The following ZAN variants were observed in gnomAD, a reference collection of about 807,000 sequenced individuals.
The protein encoded by ZAN is zonadhesin.
In ZAN, 260 loss-of-function variants were observed where a neutral mutation model predicts 286.2. The observed-to-expected ratio is 0.91, with a 90% CI of 0.82 to 1.01. The LOEUF (loss-of-function observed/expected upper bound fraction) is 1.01, where lower values mean the gene tolerates loss of function less well. ZAN is among the 50% of genes least tolerant of loss of function. The pLI is 0.00. For missense variants in ZAN, 3,410 were observed against 3,639.2 expected, an observed-to-expected ratio of 0.94 and a Z score of 1.62; for synonymous variants, 1,368 against 1,417.5, an observed-to-expected ratio of 0.97 and a Z score of 0.79.
intron 28 of ZAN, among the ~76,000 whole-genome samples, chr7:100,771,473 C>T (rs1056716489): frequency 6.6e-6 from 1 of 151,538 alleles, no homozygotes; most frequent in Non-Finnish European, 1.5e-5. Context: ...GATCTGTTGC[C>T]CAGGCTGGAG....
chr7:100,795,915 A>T (rs966185383), intron 45 of ZAN, among the ~76,000 whole-genome samples: 5 of 150,860 alleles, frequency 3.3e-5, no homozygotes, highest in East Asian at 3.9e-4. Flanking sequence ...AAAAAAAAAT[A>T]AAAAAATAAA....
chr7:100,769,741 C>T (rs1317294294), intron 27 of ZAN, 139 bp from the exon 28 acceptor site: 1 of 674,860 alleles, frequency 1.5e-6, no homozygotes, highest in African/African-American at 1.8e-5. Context: ...GAGATAGGAT[C>T]TCACTATGTT....
intron 43 of ZAN, 46 bp from the exon 44 acceptor site, chr7:100,794,074 C>A: frequency 1.2e-6 from 2 of 1,613,568 alleles, no homozygotes; most frequent in Non-Finnish European, 1.7e-6. Context: ...AGAGCCAGAC[C>A]AGGGATGGAA....
At chr7:100,733,926 C>T in intron 1 of ZAN, 101 bp from the exon 2 acceptor site, 1 of 346,614 alleles carries the variant, frequency 2.9e-6, no homozygotes, top group East Asian at 4.5e-5. Flanking sequence ...TTGTTTCTTT[C>T]TCTTTTTTTT....
intron 15 of ZAN, 46 bp from the exon 16 acceptor site, chr7:100,758,156 C>T (rs1809283084): frequency 6.6e-7 from 1 of 1,521,592 alleles, no homozygotes. Context: ...GGGAGAAGTA[C>T]TCTAGGAGCT....
intron 38 of ZAN, among the ~76,000 whole-genome samples, 158 bp from the exon 39 acceptor site, chr7:100,789,060 G>A (rs1023179437): frequency 1.3e-5 from 2 of 152,096 alleles, no homozygotes; most frequent in Non-Finnish European, 2.9e-5. Context: ...CCTCACAGAG[G>A]TTTCTGCCAC....
rs1294529960 is a variant in ZAN, at chr7:100,752,137, C to T, written c.2032C>T (p.Pro678Ser). Residue 678 changes from proline to serine, a missense_variant, in exon 14 of 48, where the codon CCT becomes TCT. Physicochemically the swap from Pro to Ser is moderately conservative, Grantham distance 74 (BLOSUM62 -1). This residue lies in a region of ZAN where 872 missense variants were observed against 938.9 expected (regional missense o/e 0.93). Transcript: ENST00000613979. Reference sequence around the variant, plus strand: ...CACCTCCATGGAAGAGCCTGTCATCCCTACAGAAAAACCCAGCATCCCTAC... The same window carrying T: ...CACCTCCATGGAAGAGCCTGTCATCTCTACAGAAAAACCCAGCATCCCTAC... ...TTTSMEEPVI[P>S]TEKPSIPTEK... The T allele has an allele frequency of 1.2e-6, 2 of 1,610,452 alleles. No individual in the cohort carries two copies. The highest frequency in any genetic ancestry group is 2.7e-5 in the African/African-American group (2 of 73,870).
intron 14 of ZAN, 130 bp downstream of exon 14, chr7:100,753,359 G>C: frequency 9.1e-7 from 1 of 1,096,042 alleles, no homozygotes; most frequent in Non-Finnish European, 1.2e-6. Context: ...TCTCAGAGGA[G>C]AGCTGAAGTA....
intron 34 of ZAN, among the ~76,000 whole-genome samples, chr7:100,777,067 A>C (rs1024085779): frequency 6.8e-6 from 1 of 148,126 alleles, no homozygotes; most frequent in African/African-American, 2.5e-5. Flanking sequence ...TTTCTGAGAC[A>C]GAATCTTGCT....
rs1807380827 is a variant in ZAN at position 100,737,277 on chromosome 7, A to T, written c.541A>T (p.Thr181Ser). The change falls in exon 6 of 48, where the codon ACA becomes TCA. Residue 181 changes from threonine to serine, a missense_variant. Physicochemically the swap from Thr to Ser is moderately conservative, Grantham distance 58. This residue lies in a region of ZAN where 872 missense variants were observed against 938.9 expected (regional missense o/e 0.93). Coordinates refer to ENST00000613979, the MANE Select transcript of ZAN (RefSeq NM_003386.3). ...CCTCTTGCAGCTGATGTTTGAGGGAACACGGGGTAGCACTGCCTACCTGGA... is the reference window on the plus strand; with the variant it reads ...CCTCTTGCAGCTGATGTTTGAGGGATCACGGGGTAGCACTGCCTACCTGGA... Reference protein sequence around the residue: ...TLPTRLMFEGTRGSTAYLDIA... With the variant: ...TLPTRLMFEGSRGSTAYLDIA... 6.7e-7 allele frequency: 1 copy of T among 1,487,890 alleles called. No homozygotes were observed. The highest frequency in any genetic ancestry group is 1.4e-5 in the African/African-American group (1 of 70,188). 92.2% of individuals were successfully genotyped at this position (1,487,890 alleles called of 1,614,324 possible). A position where few individuals can be genotyped will look rare whatever the true frequency, so the allele number is the denominator to read the frequency against.
chr7:100,764,736 T>A (rs560472034), intron 22 of ZAN, among the ~76,000 whole-genome samples: 1 of 147,644 alleles, frequency 6.8e-6, no homozygotes, highest in East Asian at 2.1e-4. Context: ...AAATTAGCTG[T>A]GTGTGGCAAC....
chr7:100,766,743 A>C, intron 24 of ZAN, 77 bp downstream of exon 24: 1 of 1,495,118 alleles, frequency 6.7e-7, no homozygotes, highest in South Asian at 1.3e-5. Context: ...TGCCCAAAGC[A>C]GCTTCCCCAG....
intron 35 of ZAN, among the ~76,000 whole-genome samples, chr7:100,780,578 G>A (rs1811132479): frequency 6.6e-6 from 1 of 151,772 alleles, no homozygotes. Context: ...TGGGGGTGAG[G>A]TGGGAGGATC....
chr7:100,753,325 G>A (rs1808917494), intron 14 of ZAN, 96 bp downstream of exon 14: 2 of 1,341,992 alleles, frequency 1.5e-6, no homozygotes, highest in Non-Finnish European at 2.0e-6. Flanking sequence ...AAGCCTTCTA[G>A]TTGCTTCTAG....
chr7:100,752,975 T>G lies in ZAN; in HGVS notation c.2870T>G (p.Ile957Ser), dbSNP rs1335611835. ...ACCATCTCCCCAGAAAAACTCACCA[T>G]CCCCACAGAAAAACCCACCATCTCC... ...KPTISPEKLTIPTEKPTISTE... is the reference protein window; with the variant it reads ...KPTISPEKLTSPTEKPTISTE... Residue 957 changes from isoleucine to serine, a missense_variant, in exon 14 of 48, where the codon ATC becomes AGC. Physicochemically the swap from Ile to Ser is moderately radical, Grantham distance 142. Around this residue, in one of 7 missense-constraint regions of ZAN, gnomAD observed 1,042 missense variants for 1,058.0 expected, o/e 0.98. Transcript: ENST00000613979. 6.2e-7 allele frequency: 1 copy of G among 1,602,934 alleles called. No individual in the cohort carries two copies. The highest frequency in any genetic ancestry group is 2.3e-5 in the East Asian group (1 of 44,288).
At chr7:100,770,138 A>G (rs1188334923) in intron 28 of ZAN, among the ~76,000 whole-genome samples, 164 bp downstream of exon 28, 3 of 152,042 alleles carry the variant, frequency 2.0e-5, no homozygotes, top group Admixed American at 6.6e-5. Flanking sequence ...CTTGGGACCT[A>G]TGACTGATGG....
At chr7:100,786,586 T>A (rs1269928990) in intron 37 of ZAN, among the ~76,000 whole-genome samples, 7 of 152,182 alleles carry the variant, frequency 4.6e-5, no homozygotes, top group African/African-American at 1.7e-4. Context: ...TTTTGCTATT[T>A]TTTTTCTAGA....
In ZAN at chr7:100,792,016, C is replaced by G. The variant is rs3847059; in HGVS notation, c.7580C>G (p.Thr2527Arg). 2 of 1,612,900 alleles carry G rather than the reference C, an allele frequency of 1.2e-6. No homozygotes were observed. The highest frequency in any genetic ancestry group is 1.7e-6 in the Non-Finnish European group (2 of 1,179,760). ...EGQGAELGLR[T>R]GLQVSECSPE... ...CAAGGGGCGGAGCTGGGCCTCCGCA[C>G]GGGCCTCCAAGTGTCCGAATGTAGC... is the stretch of plus-strand genomic sequence containing the variant. The change falls in exon 41 of 48, where the codon ACG (threonine) becomes AGG (arginine). Residue 2527 changes from threonine (T) to arginine (R), a missense_variant. Coordinates refer to ENST00000613979, the MANE Select transcript of ZAN (RefSeq NM_003386.3).
intron 45 of ZAN, among the ~76,000 whole-genome samples, chr7:100,796,448 G>C (rs1210072428): frequency 7.7e-6 from 1 of 129,318 alleles, no homozygotes. Flanking sequence ...TTTGAGTCTT[G>C]GTCTGTTGCC....
Sources: allele counts gnomAD v4.1 joint callset (sites outside exome capture counted in the v4.1 genomes callset), GRCh38; gene constraint gnomAD v4.1.1; regional missense constraint gnomAD v4.1.1; transcripts MANE v1.5; gene names NCBI Gene and HGNC (gene_info 2026-07-23, HGNC 2026-07-21).